Variants in PEF1 observed in about 807,000 individuals in gnomAD.
The protein encoded by PEF1 is peflin.
PEF1 carries 17 observed loss-of-function variants against 32.0 expected under a neutral mutation model. The observed-to-expected ratio is 0.53, with a 90% CI of 0.36 to 0.80. PEF1 has a LOEUF of 0.80. Among genes scored for constraint, PEF1 ranks in the 30% least tolerant of loss-of-function variants. The pLI, the probability that PEF1 is intolerant of heterozygous loss-of-function variation, is 0.00. For synonymous variants in PEF1, 130 were observed against 139.8 expected, an observed-to-expected ratio of 0.93 and a Z score of 0.50; for missense variants, 362 against 369.1, an observed-to-expected ratio of 0.98 and a Z score of 0.16.
intron 3 of PEF1, 107 bp from the exon 4 acceptor site, chr1:31,632,745 A>T: frequency 7.5e-7 from 1 of 1,326,252 alleles, no homozygotes; most frequent in Non-Finnish European, 1.0e-6. Context: ...GGAGTAGGCG[A>T]CTTCACAGAA....
intron 1 of PEF1, among the ~76,000 whole-genome samples, chr1:31,639,950 AAAAC>A (rs1640354059): frequency 1.3e-5 from 2 of 152,192 alleles, no homozygotes; most frequent in Admixed American, 1.3e-4. Flanking sequence ...CCAGAAATGA[AAAAC>A]AGCATCCCTG....
Position 31,632,481 on chromosome 1 carries a change from G to A in PEF1, c.625+14C>T. ...GCTCTGTCCTGCCCATCGTGCCCCG[G>A]CCATGACCCGCACCTTGCTGCAGCT... On this transcript the variant is annotated intron_variant, in intron 4 of 4. Transcript: ENST00000373703. The A allele has an allele frequency of 6.2e-7, 1 of 1,614,210 alleles. No individual in the cohort carries two copies. Among genetic ancestry groups the A allele is most frequent in the Non-Finnish European group, 8.5e-7 (1 of 1,180,024 alleles).
chr1:31,629,968 C>T lies in PEF1; in HGVS notation c.*645G>A, dbSNP rs1640049046. The stretch of plus-strand genomic sequence containing the variant: ...AAAAAGTATTGGCAGGGAGAGGTGA[C>T]CACTGTCTCCTGGAGACTGAAGCCG... On this transcript the variant is annotated 3_prime_UTR_variant, in exon 5 of 5. Coordinates refer to ENST00000373703, the MANE Select transcript of PEF1 (RefSeq NM_012392.4). 6.6e-6 allele frequency: 1 copy of T among 152,252 alleles called. No homozygotes were observed. Among genetic ancestry groups the T allele is most frequent in the African/African-American group, 2.4e-5 (1 of 41,416 alleles). 9.4% of individuals were successfully genotyped at this position (152,252 alleles called of 1,614,324 possible). A position where few individuals can be genotyped will look rare whatever the true frequency, so the allele number is the denominator to read the frequency against.
At chr1:31,632,417 C>A in intron 4 of PEF1, 78 bp downstream of exon 4, 1 of 1,602,858 alleles carries the variant, frequency 6.2e-7, no homozygotes, top group Non-Finnish European at 8.5e-7. Context: ...CAAGAGGAAA[C>A]CCCTTTGTTG....
At chr1:31,642,973 C>T (rs1009717770) in intron 1 of PEF1, among the ~76,000 whole-genome samples, 1 of 152,234 alleles carries the variant, frequency 6.6e-6, no homozygotes, top group Non-Finnish European at 1.5e-5. Context: ...TTTTAGGATG[C>T]ACACCAATTG....
rs1322802023 is a variant in PEF1 at position 31,644,690 on chromosome 1, G to A, written c.24+151C>T. The A allele has an allele frequency of 4.7e-6, 7 of 1,497,178 alleles. No individual in the cohort carries two copies. In the Admixed American group the frequency reaches 6.3e-5, roughly 13 times the overall value. 92.7% of individuals were successfully genotyped at this position (1,497,178 alleles called of 1,614,324 possible). A position where few individuals can be genotyped will look rare whatever the true frequency, so the allele number is the denominator to read the frequency against. On this transcript the variant is annotated intron_variant, in intron 1 of 4. Coordinates refer to ENST00000373703, the MANE Select transcript of PEF1 (RefSeq NM_012392.4). The stretch of plus-strand genomic sequence containing the variant: ...TGACGTGAGCAGGGCGCGACCGACG[G>A]TCCCTTTTCGGTTCTCTACAGCGCA...
At chr1:31,635,177 T>G (rs2148619661) in intron 2 of PEF1, 45 bp downstream of exon 2, 1 of 1,600,568 alleles carries the variant, frequency 6.2e-7, no homozygotes, top group Non-Finnish European at 8.5e-7. Flanking sequence ...CATGGATAAC[T>G]CAGAACCACG....
chr1:31,639,539 G>C (rs60198320), intron 1 of PEF1, among the ~76,000 whole-genome samples: 12,765 of 152,244 alleles, frequency 0.084, 717 homozygotes, highest in African/African-American at 0.15. Context: ...CTATAGAAGG[G>C]TTTCCAATAG....
At chr1:31,641,130 G>A (rs1487514988) in intron 1 of PEF1, among the ~76,000 whole-genome samples, 1 of 152,112 alleles carries the variant, frequency 6.6e-6, no homozygotes, top group Non-Finnish European at 1.5e-5. Flanking sequence ...CTGAGCTACA[G>A]ACCCACATAT....
In PEF1 at chr1:31,630,818, A is replaced by G; in HGVS notation, c.650T>C (p.Leu217Pro). 3.1e-6 allele frequency: 5 copies of G among 1,611,364 alleles called. No homozygotes were observed. The highest frequency in any genetic ancestry group is 4.2e-6 in the Non-Finnish European group (5 of 1,179,914). Residue 217 changes from leucine to proline, a missense_variant, in exon 5 of 5, where the codon CTG (leucine) becomes CCG (proline). Physicochemically the swap from Leu to Pro is moderately conservative, Grantham distance 98 (BLOSUM62 -3). Transcript: ENST00000373703. ...QQALSQMGYN[L>P]SPQFTQLLVS... ...CAGAAGCTGGGTGAACTGGGGGCTC[A>G]GGTTGTAGCCCATTTGGGACAGAGC...
intron 4 of PEF1, 147 bp downstream of exon 4, chr1:31,632,348 T>G: frequency 2.2e-6 from 3 of 1,346,914 alleles, no homozygotes; most frequent in Non-Finnish European, 3.2e-6. Context: ...AAAGAAGGGG[T>G]GAGGGATGCA....
In PEF1 at chr1:31,636,183, T is replaced by C. The variant is rs113659969; in HGVS notation, c.25-661A>G. Among the ~76,000 whole-genome samples the C allele has an allele frequency of 6.9e-3, 1,048 of 152,276 alleles. 13 individuals are homozygous for C. Among genetic ancestry groups the C allele is most frequent in the African/African-American group, 0.024 (1,008 of 41,548 alleles). On this transcript the variant is annotated intron_variant, in intron 1 of 4. Coordinates refer to ENST00000373703, the MANE Select transcript of PEF1 (RefSeq NM_012392.4). ...GGCGTGGTGGCTCACAGCTGTGTAA[T>C]CACAGCACTTTGGAAGTCTGAGGCG...
At position 31,630,428 on chromosome 1, in the gene PEF1, C is replaced by CCCGG; in HGVS notation, c.*181_*184dup. 1.5e-6 allele frequency: 1 copy of CCCGG among 648,620 alleles called. No individual in the cohort carries two copies. The allele number at this position is 648,620 out of a possible 1,614,324, so 40.2% of individuals were successfully genotyped here. ...AGGCCCCTATCTGTGTGGCCTCAGC[C>CCCGG]CCGGTCCTCACTATTTGGTGGCTAT... On this transcript the variant is annotated 3_prime_UTR_variant, in exon 5 of 5. Coordinates refer to ENST00000373703, the MANE Select transcript of PEF1 (RefSeq NM_012392.4).
intron 1 of PEF1, among the ~76,000 whole-genome samples, chr1:31,638,281 G>A (rs1033361602): frequency 6.6e-6 from 1 of 152,152 alleles, no homozygotes; most frequent in African/African-American, 2.4e-5. Flanking sequence ...GGGGAGGGAG[G>A]GAGGGACTTG....
intron 2 of PEF1, among the ~76,000 whole-genome samples, chr1:31,633,583 G>A (rs114859508): frequency 3.0e-4 from 46 of 152,268 alleles, no homozygotes; most frequent in Middle Eastern, 6.8e-3. Flanking sequence ...TTTAAGGAAC[G>A]GGGACCTGTA....
chr1:31,641,074 A>C (rs1640380056), intron 1 of PEF1, among the ~76,000 whole-genome samples: 1 of 152,176 alleles, frequency 6.6e-6, no homozygotes, highest in African/African-American at 2.4e-5. Flanking sequence ...CCAGACTTCA[A>C]TTACCTCTGT....
chr1:31,634,810 G>C (rs1177326825), intron 2 of PEF1: 6 of 457,606 alleles, frequency 1.3e-5, no homozygotes, highest in South Asian at 7.7e-5. Flanking sequence ...CCAAAAGAAT[G>C]CAAGTGGGCA....
At chr1:31,642,428 A>G (rs1640419105) in intron 1 of PEF1, among the ~76,000 whole-genome samples, 2 of 152,080 alleles carry the variant, frequency 1.3e-5, no homozygotes, top group South Asian at 4.2e-4. Flanking sequence ...CTTGAATTTT[A>G]CTACTCCAAT....
intron 1 of PEF1, among the ~76,000 whole-genome samples, chr1:31,641,791 A>G (rs776800238): frequency 2.0e-5 from 3 of 152,198 alleles, no homozygotes; most frequent in Non-Finnish European, 4.4e-5. Flanking sequence ...TACTTATCAC[A>G]TTGCCTCTTC....
Sources: gnomAD v4.1 joint callset for allele counts (sites outside exome capture counted in the v4.1 genomes callset) on GRCh38, gnomAD v4.1.1 for gene constraint, MANE v1.5 for transcripts, NCBI Gene and HGNC (gene_info 2026-07-23, HGNC 2026-07-21) for gene names.